Variants in CMIP observed in about 807,000 individuals in gnomAD.
The protein encoded by CMIP is C-Maf-inducing protein.
CMIP carries 13 observed loss-of-function variants against 97.3 expected under a neutral mutation model. The ratio of observed to expected loss-of-function variants is 0.13; its 90% CI spans 0.09 to 0.21. The LOEUF is 0.21. Among genes scored for constraint, CMIP ranks in the 10% least tolerant of loss-of-function variants. The probability of loss-of-function intolerance (pLI) is 1.00; values close to 1 mark genes in which losing one functional copy is unlikely to be tolerated. For missense variants in CMIP, 847 were observed against 1,024.9 expected (o/e 0.83, Z 2.37); for synonymous variants, 538 against 436.3 (o/e 1.23, Z -2.91).
At chr16:81,548,122 ATGGAT>A in intron 1 of CMIP, among the ~76,000 whole-genome samples, 2 of 143,430 alleles carry the variant, frequency 1.4e-5, no homozygotes, top group Non-Finnish European at 3.0e-5. Context: ...ACATCTAAGG[ATGGAT>A]CACTTTTTTT....
At chr16:81,568,045 T>TTG (rs2091015478) in intron 1 of CMIP, among the ~76,000 whole-genome samples, 2 of 124,092 alleles carry the variant, frequency 1.6e-5, no homozygotes, top group Non-Finnish European at 3.6e-5. Context: ...GTGTGTTTTT[T>TTG]TTTTTTTTTT....
chr16:81,688,602 C>T (rs1905690425), intron 10 of CMIP, among the ~76,000 whole-genome samples: 2 of 152,134 alleles, frequency 1.3e-5, no homozygotes, highest in Admixed American at 6.5e-5. Flanking sequence ...GGAAAGTCTC[C>T]GTGACATCGG....
chr16:81,456,288 G>A (rs542540776), intron 1 of CMIP, among the ~76,000 whole-genome samples: 1 of 152,168 alleles, frequency 6.6e-6, no homozygotes, highest in African/African-American at 2.4e-5. Flanking sequence ...AGACCTTTAG[G>A]CGTGTGCGCA....
intron 3 of CMIP, among the ~76,000 whole-genome samples, chr16:81,635,554 T>G (rs2092223295): frequency 6.6e-6 from 1 of 152,088 alleles, no homozygotes. Flanking sequence ...TTGTGTAAAA[T>G]GAAATGAGGA....
chr16:81,642,285 G>T (rs972842346), intron 3 of CMIP, among the ~76,000 whole-genome samples: 1 of 152,186 alleles, frequency 6.6e-6, no homozygotes, highest in Non-Finnish European at 1.5e-5. Flanking sequence ...GGGCTGGTTT[G>T]TCTCATCTCT....
At chr16:81,448,759 G>A (rs552361753) in intron 1 of CMIP, among the ~76,000 whole-genome samples, 4 of 152,394 alleles carry the variant, frequency 2.6e-5, no homozygotes, top group Non-Finnish European at 4.4e-5. Flanking sequence ...ATAGGCGACA[G>A]CTGACTTGGG....
intron 1 of CMIP, among the ~76,000 whole-genome samples, chr16:81,508,220 TGTG>T (rs1299725333): frequency 2.0e-5 from 3 of 152,218 alleles, no homozygotes; most frequent in African/African-American, 7.2e-5. Context: ...TATAAGGAAA[TGTG>T]GTGAAAAGTC....
At chr16:81,643,381 A>G (rs903894307) in intron 3 of CMIP, among the ~76,000 whole-genome samples, 4 of 152,264 alleles carry the variant, frequency 2.6e-5, no homozygotes, top group Non-Finnish European at 4.4e-5. Context: ...GGGGGAGAGT[A>G]CAATAGGAAG....
chr16:81,527,123 A>G (rs977049819), intron 1 of CMIP, among the ~76,000 whole-genome samples: 1 of 152,208 alleles, frequency 6.6e-6, no homozygotes, highest in Non-Finnish European at 1.5e-5. Context: ...TTTGTCTGCT[A>G]CAGAATTTCT....
intron 1 of CMIP, among the ~76,000 whole-genome samples, chr16:81,490,803 C>T (rs1262630630): frequency 1.3e-5 from 2 of 150,538 alleles, no homozygotes; most frequent in African/African-American, 5.0e-5. Flanking sequence ...TAGAACATTC[C>T]AGACAAGGAG....
intron 1 of CMIP, among the ~76,000 whole-genome samples, chr16:81,525,311 T>G (rs905136103): frequency 1.3e-5 from 2 of 151,516 alleles, no homozygotes; most frequent in African/African-American, 4.9e-5. Context: ...GCCTGGCTAA[T>G]TTTTGTGTTT....
intron 1 of CMIP, among the ~76,000 whole-genome samples, chr16:81,565,715 C>A (rs957318004): frequency 6.6e-6 from 1 of 152,106 alleles, no homozygotes; most frequent in Non-Finnish European, 1.5e-5. Context: ...ACAAAGACAG[C>A]GGCTGTCTGC....
intron 10 of CMIP, among the ~76,000 whole-genome samples, chr16:81,687,035 A>C (rs556900150): frequency 6.6e-6 from 1 of 152,266 alleles, no homozygotes; most frequent in African/African-American, 2.4e-5. Context: ...GCCCCAGTGC[A>C]AGCCAGGATC....
chr16:81,476,503 A>G (rs1907930643), intron 1 of CMIP: 1 of 704,884 alleles, frequency 1.4e-6, no homozygotes, highest in Non-Finnish European at 2.6e-6. Flanking sequence ...GTCAGAGAAC[A>G]CAGTGGGGTT....
chr16:81,525,213 G>A (rs2090107580), intron 1 of CMIP, among the ~76,000 whole-genome samples: 1 of 151,598 alleles, frequency 6.6e-6, no homozygotes, highest in Non-Finnish European at 1.5e-5. Context: ...GCACAATCTC[G>A]GCTCCCCACA....
chr16:81,543,111 G>A (rs2090479404), intron 1 of CMIP, among the ~76,000 whole-genome samples: 1 of 152,230 alleles, frequency 6.6e-6, no homozygotes, highest in Admixed American at 6.5e-5. Context: ...TGGTGGCACT[G>A]TGTGTCACTG....
chr16:81,490,317 A>G (rs2089385377), intron 1 of CMIP, among the ~76,000 whole-genome samples: 2 of 152,230 alleles, frequency 1.3e-5, no homozygotes, highest in South Asian at 4.1e-4. Context: ...GTAACAAACC[A>G]GCATACAAAT....
At chr16:81,603,802 A>G (rs974090810) in intron 1 of CMIP, among the ~76,000 whole-genome samples, 1 of 152,224 alleles carries the variant, frequency 6.6e-6, no homozygotes, top group Non-Finnish European at 1.5e-5. Context: ...TTGGGGAGGA[A>G]GACCCCAGAG....
At chr16:81,473,767 G>A (rs542718694) in intron 1 of CMIP, among the ~76,000 whole-genome samples, 3 of 151,246 alleles carry the variant, frequency 2.0e-5, no homozygotes, top group Non-Finnish European at 4.4e-5. Context: ...TGACCCATGG[G>A]CCAAGTCAAG....
Sources: gnomAD v4.1 joint callset for allele counts (sites outside exome capture counted in the v4.1 genomes callset) on GRCh38, gnomAD v4.1.1 for gene constraint, MANE v1.5 for transcripts, NCBI Gene and HGNC (gene_info 2026-07-23, HGNC 2026-07-21) for gene names.